SOX6: variants seen among roughly 807,000 people sequenced by gnomAD.
SOX6 encodes the protein transcription factor SOX-6.
In SOX6, 11 loss-of-function variants were observed where a neutral mutation model predicts 97.8. The observed-to-expected ratio is 0.11, with a 90% CI of 0.07 to 0.19. The LOEUF (loss-of-function observed/expected upper bound fraction) is 0.19. SOX6 is among the 10% of genes least tolerant of loss of function. The probability of loss-of-function intolerance (pLI) is 1.00; values close to 1 mark genes in which losing one functional copy is unlikely to be tolerated. For missense variants in SOX6, 810 were observed against 1,039.5 expected (o/e 0.78, Z 3.04); for synonymous variants, 360 against 371.4 (o/e 0.97, Z 0.35).
intron 15 of SOX6, among the ~76,000 whole-genome samples, chr11:15,982,765 AT>A (rs1424263925): frequency 6.6e-6 from 1 of 152,074 alleles, no homozygotes. Flanking sequence ...ATTTTCTCGA[AT>A]TTTTTTAAAA....
At chr11:16,225,380 C>A (rs2134163052) in intron 4 of SOX6, among the ~76,000 whole-genome samples, 1 of 144,794 alleles carries the variant, frequency 6.9e-6, no homozygotes, top group African/African-American at 2.6e-5. Context: ...CATTCATAAG[C>A]AAATATGCAA....
intron 3 of SOX6, among the ~76,000 whole-genome samples, chr11:16,271,111 T>C (rs1854246726): frequency 6.6e-6 from 1 of 151,418 alleles, no homozygotes; most frequent in African/African-American, 2.4e-5. Context: ...ACAAATTATT[T>C]TGCAGCTTTT....
chr11:16,046,577 A>G lies in SOX6; in HGVS notation c.1560T>C (p.His520=), dbSNP rs745490496. 1.2e-6 allele frequency: 2 copies of G among 1,613,788 alleles called. No individual in the cohort carries two copies. The highest frequency in any genetic ancestry group is 4.5e-5 in the East Asian group (2 of 44,850). Residue 520 remains histidine, a synonymous_variant, in exon 12 of 16, where the codon CAT becomes CAC. Transcript: ENST00000683767. ...IQREQQQQQP[H]GVDGKLSSIN... ...TGGAGGACAGTTTCCCGTCAACACC[A>G]TGTGGCTGTTGCTGCTGTTGCTCCC...
At chr11:16,105,230 A>T (rs563783301) in intron 7 of SOX6, among the ~76,000 whole-genome samples, 1 of 152,184 alleles carries the variant, frequency 6.6e-6, no homozygotes, top group Non-Finnish European at 1.5e-5. Flanking sequence ...AATGCAAGGG[A>T]TCAAATCAGT....
At chr11:16,479,795 T>G (rs1320714753), upstream of SOX6, among the ~76,000 whole-genome samples, 1 of 152,128 alleles carries the variant, frequency 6.6e-6, no homozygotes, top group Non-Finnish European at 1.5e-5. Context: ...TGAATGGCAC[T>G]TTTACAATAA....
At chr11:16,516,383 T>G (rs1036324998) in intron 4 of SOX6, among the ~76,000 whole-genome samples, 1 of 152,208 alleles carries the variant, frequency 6.6e-6, no homozygotes, top group African/African-American at 2.4e-5. Context: ...GCTTGTGATT[T>G]TTGTACATCG....
At chr11:16,335,558 T>C (rs748554004) in intron 2 of SOX6, among the ~76,000 whole-genome samples, 20 of 152,192 alleles carry the variant, frequency 1.3e-4, no homozygotes, top group South Asian at 6.2e-4. Context: ...CCTACTATCT[T>C]AAATGACAAA....
intron 3 of SOX6, among the ~76,000 whole-genome samples, chr11:16,656,208 G>T (rs1847716169): frequency 6.6e-6 from 1 of 152,078 alleles, no homozygotes; most frequent in African/African-American, 2.4e-5. Flanking sequence ...CTTCAGAGTA[G>T]CTGGGATTAC....
At chr11:16,598,755 C>T (rs1848238304) in intron 4 of SOX6, among the ~76,000 whole-genome samples, 1 of 151,894 alleles carries the variant, frequency 6.6e-6, no homozygotes, top group Non-Finnish European at 1.5e-5. Flanking sequence ...TAAAGAACCA[C>T]TTTTCAAAGA....
intron 3 of SOX6, among the ~76,000 whole-genome samples, chr11:16,690,732 A>T (rs190432303): frequency 2.1e-4 from 32 of 152,362 alleles, no homozygotes; most frequent in African/African-American, 4.6e-4. Context: ...GTTACCTGGG[A>T]CAAGTTACTT....
intron 3 of SOX6, among the ~76,000 whole-genome samples, chr11:16,698,200 G>A (rs1848067945): frequency 6.6e-6 from 1 of 152,150 alleles, no homozygotes; most frequent in Non-Finnish European, 1.5e-5. Flanking sequence ...AGTTAGTGTA[G>A]TCACCTTCAT....
intron 4 of SOX6, among the ~76,000 whole-genome samples, chr11:16,487,516 T>C (rs759336715): frequency 5.3e-5 from 8 of 152,348 alleles, no homozygotes; most frequent in Admixed American, 3.3e-4. Flanking sequence ...TTCCTATCCT[T>C]GCTGAGTTTT....
intron 3 of SOX6, among the ~76,000 whole-genome samples, chr11:16,242,466 C>G (rs1440239397): frequency 1.3e-5 from 2 of 151,808 alleles, no homozygotes; most frequent in Non-Finnish European, 2.9e-5. Context: ...CGACATGTGA[C>G]TGTGCTTTGA....
chr11:16,630,951 C>T (rs550958349), intron 3 of SOX6, among the ~76,000 whole-genome samples: 1 of 152,158 alleles, frequency 6.6e-6, no homozygotes, highest in Non-Finnish European at 1.5e-5. Flanking sequence ...CTTTCTCTAA[C>T]CCTCTACTTT....
rs568331655 is a variant in SOX6, at chr11:16,623,937, G to A, written n.430-11677C>T. Among the ~76,000 whole-genome samples, 323 of 152,066 alleles carry A rather than the reference G, an allele frequency of 2.1e-3. 5 individuals are homozygous for A. The highest frequency in any genetic ancestry group is 2.9e-4 in the Non-Finnish European group (20 of 67,990). The stretch of plus-strand genomic sequence containing the variant: ...TATAAACCCAAACTATCAAGATATC[G>A]AAGATTTCCATCATCCCAAAAAGAT... On this transcript the variant is annotated intron_variant and non_coding_transcript_variant, in intron 3 of 5. Coordinates refer to the SOX6 transcript ENST00000524520.
At chr11:16,650,199 C>T (rs1226554996) in intron 3 of SOX6, among the ~76,000 whole-genome samples, 1 of 152,106 alleles carries the variant, frequency 6.6e-6, no homozygotes, top group African/African-American at 2.4e-5. Context: ...GACTTCAATA[C>T]TCCACTGACA....
rs200274301 is a variant in SOX6, at chr11:16,132,445, A to G, written c.778-20522T>C. ...AGAAAGAAAGAAAGAAAGAAAGAAA[A>G]AAGAAAGAAAGAAAGAAAGAAAGAA... On this transcript the variant is annotated intron_variant, in intron 6 of 15. Transcript: ENST00000683767. Among the ~76,000 whole-genome samples, 82 of 11,796 alleles carry G rather than the reference A, an allele frequency of 7.0e-3. 1 individual carries two copies. Among genetic ancestry groups the G allele is most frequent in the East Asian group, 0.017 (3 of 172 alleles). 7.7% of individuals were successfully genotyped at this position (11,796 alleles called of 152,430 possible).
chr11:16,144,028 C>T (rs1042424084), intron 6 of SOX6, among the ~76,000 whole-genome samples: 15 of 152,184 alleles, frequency 9.9e-5, no homozygotes, highest in Non-Finnish European at 1.8e-4. Context: ...GAACTCTCCA[C>T]CCCAAATCAA....
intron 13 of SOX6, among the ~76,000 whole-genome samples, chr11:16,005,260 T>C (rs1215213988): frequency 6.6e-6 from 1 of 151,982 alleles, no homozygotes; most frequent in South Asian, 2.1e-4. Context: ...GCTAAAAATA[T>C]ATTTCAAAAG....
Sources: gnomAD v4.1 joint callset for allele counts (sites outside exome capture counted in the v4.1 genomes callset) on GRCh38, gnomAD v4.1.1 for gene constraint, MANE v1.5 for transcripts, NCBI Gene and HGNC (gene_info 2026-07-23, HGNC 2026-07-21) for gene names.